The following HERPUD2 variants were observed in gnomAD, a reference collection of about 807,000 sequenced individuals.
HERPUD2 encodes the protein HERPUD family member 2, also known as homocysteine-responsive endoplasmic reticulum-resident ubiquitin-like domain member 2 protein.
In HERPUD2, 13 loss-of-function variants were observed where a neutral mutation model predicts 49.9. The observed-to-expected ratio is 0.26, with a 90% CI of 0.17 to 0.41. HERPUD2 has a LOEUF of 0.41. Among genes scored for constraint, HERPUD2 ranks in the 10% least tolerant of loss-of-function variants. The probability of loss-of-function intolerance (pLI) is 1.00; values close to 1 mark genes in which losing one functional copy is unlikely to be tolerated. For synonymous variants in HERPUD2, 172 were observed against 171.4 expected (o/e 1.00, Z -0.03); for missense variants, 449 against 492.2 (o/e 0.91, Z 0.83).
intron 5 of HERPUD2, among the ~76,000 whole-genome samples, chr7:35,643,839 A>G (rs1785006095): frequency 6.6e-6 from 1 of 151,656 alleles, no homozygotes; most frequent in African/African-American, 2.4e-5. Context: ...GCTGTTAAAA[A>G]AAAAAAACTA....
At chr7:35,658,479 C>T (rs1785331896) in intron 5 of HERPUD2, among the ~76,000 whole-genome samples, 1 of 152,226 alleles carries the variant, frequency 6.6e-6, no homozygotes, top group East Asian at 1.9e-4. Flanking sequence ...TACCAACACA[C>T]AGAAATGATA....
At position 35,635,387 on chromosome 7, in the gene HERPUD2, T is replaced by A. The variant is rs1462606701; in HGVS notation, c.689A>T (p.Asn230Ile). 1 of 1,613,980 alleles carries A rather than the reference T, an allele frequency of 6.2e-7. No individual in the cohort carries two copies. The highest frequency in any genetic ancestry group is 8.5e-7 in the Non-Finnish European group (1 of 1,180,028). Residue 230 changes from asparagine to isoleucine, a missense_variant, in exon 7 of 9, where the codon AAT (asparagine) becomes ATT (isoleucine). Transcript: ENST00000311350. ...TTCTTCTCCAGGAACATGTGCCAAA[T>A]TTAGAGGCTGTGAAGTAGTAGGCTG... Reference protein sequence around the residue: ...PTQPTTSQPLNLAHVPGEEPP... With the variant: ...PTQPTTSQPLILAHVPGEEPP...
Position 35,638,335 on chromosome 7 carries a change from C to A in HERPUD2, c.617+15G>T. 1 of 1,561,088 alleles carries A rather than the reference C, an allele frequency of 6.4e-7. No individual in the cohort carries two copies. Among genetic ancestry groups the A allele is most frequent in the South Asian group, 1.2e-5 (1 of 81,756 alleles). On this transcript the variant is annotated intron_variant, in intron 6 of 8. Transcript: ENST00000311350. ...CACACTGAGTAACTTAAAAAATGAACTCAGATTAACTTACTACTGCATATA... is the reference window on the plus strand; with the variant it reads ...CACACTGAGTAACTTAAAAAATGAAATCAGATTAACTTACTACTGCATATA...
chr7:35,650,439 T>A (rs1156458798), intron 5 of HERPUD2, among the ~76,000 whole-genome samples: 1 of 151,898 alleles, frequency 6.6e-6, no homozygotes, highest in Non-Finnish European at 1.5e-5. Flanking sequence ...ATGAAGGCAC[T>A]GCTCAAGAGG....
intron 2 of HERPUD2, among the ~76,000 whole-genome samples, chr7:35,686,708 C>A (rs56322298): frequency 2.1e-5 from 1 of 46,970 alleles, no homozygotes; most frequent in Non-Finnish European, 3.7e-5. Flanking sequence ...GACAGAACGA[C>A]ACTCCGTCTC....
At chr7:35,659,442 G>A (rs1447195694) in intron 5 of HERPUD2, among the ~76,000 whole-genome samples, 3 of 152,202 alleles carry the variant, frequency 2.0e-5, no homozygotes, top group Non-Finnish European at 4.4e-5. Flanking sequence ...TTTGCTGAAT[G>A]TACAACATTC....
chr7:35,687,826 C>A (rs1250407936), intron 2 of HERPUD2, among the ~76,000 whole-genome samples: 1 of 152,044 alleles, frequency 6.6e-6, no homozygotes, highest in East Asian at 1.9e-4. Flanking sequence ...GCCAACAATA[C>A]TTTTATATTT....
intron 2 of HERPUD2, among the ~76,000 whole-genome samples, chr7:35,681,524 T>C (rs1481748392): frequency 6.6e-6 from 1 of 152,070 alleles, no homozygotes; most frequent in Non-Finnish European, 1.5e-5. Context: ...TGTACAAGAA[T>C]GTTCATAGCA....
At chr7:35,638,317 A>C (rs1784904515) in intron 6 of HERPUD2, 33 bp downstream of exon 6, 1 of 1,551,254 alleles carries the variant, frequency 6.4e-7, no homozygotes, top group African/African-American at 1.4e-5. Context: ...TAACACACTG[A>C]GTAACTTAAA....
In HERPUD2 at chr7:35,632,677, T is replaced by C. The variant is rs1784798118; in HGVS notation, c.*1013A>G. 1.3e-5 allele frequency: 2 copies of C among 152,558 alleles called. No homozygotes were observed. Among genetic ancestry groups the C allele is most frequent in the Admixed American group, 1.3e-4 (2 of 15,266 alleles). 9.5% of individuals were successfully genotyped at this position (152,558 alleles called of 1,614,324 possible). On this transcript the variant is annotated 3_prime_UTR_variant, in exon 9 of 9. Transcript: ENST00000311350. ...AAAACTGTTTACCATAATTGACTTT[T>C]TATTTAAAAAATTACACGGAGCAAT... is the stretch of plus-strand genomic sequence containing the variant.
chr7:35,645,015 G>C (rs140212864), intron 5 of HERPUD2, among the ~76,000 whole-genome samples: 171 of 152,094 alleles, frequency 1.1e-3, no homozygotes, highest in African/African-American at 4.0e-3. Context: ...AAAATTATAA[G>C]GTCTAGGTTT....
chr7:35,664,504 C>G (rs1785497309), intron 5 of HERPUD2, among the ~76,000 whole-genome samples: 1 of 152,214 alleles, frequency 6.6e-6, no homozygotes, highest in Non-Finnish European at 1.5e-5. Context: ...TGGTTGCATT[C>G]TCCCCATCAC....
At chr7:35,683,227 T>C (rs775231858) in intron 2 of HERPUD2, among the ~76,000 whole-genome samples, 15 of 152,172 alleles carry the variant, frequency 9.9e-5, no homozygotes, top group African/African-American at 2.4e-4. Context: ...AACAGGCACA[T>C]AGACCAATGG....
chr7:35,637,138 A>AAAAAGAAAG (rs761260596), intron 6 of HERPUD2, among the ~76,000 whole-genome samples: 8 of 135,692 alleles, frequency 5.9e-5, no homozygotes, highest in Non-Finnish European at 9.5e-5. Context: ...GTCTCAAAAA[A>AAAAAGAAAG]AAAGAAAGAA....
intron 2 of HERPUD2, among the ~76,000 whole-genome samples, chr7:35,676,108 G>T (rs1220045364): frequency 6.6e-6 from 1 of 152,178 alleles, no homozygotes; most frequent in Non-Finnish European, 1.5e-5. Flanking sequence ...TTTTAAAGAT[G>T]ATTTGAATCA....
intron 2 of HERPUD2, among the ~76,000 whole-genome samples, chr7:35,681,800 G>GA (rs201105452): frequency 7.3e-5 from 11 of 149,776 alleles, no homozygotes; most frequent in South Asian, 2.1e-4. Flanking sequence ...ACAGAAAGTA[G>GA]AAAAAAAAAG....
At chr7:35,678,254 A>G (rs1027041590) in intron 2 of HERPUD2, among the ~76,000 whole-genome samples, 2 of 151,128 alleles carry the variant, frequency 1.3e-5, no homozygotes, top group African/African-American at 2.4e-5. Context: ...AAAAAAAAAC[A>G]AAGTTCCAAT....
Position 35,656,941 on chromosome 7 carries a change from A to T in HERPUD2, c.494+10493T>A, listed in dbSNP as rs61215486. Among the ~76,000 whole-genome samples the T allele has an allele frequency of 3.1e-3, 477 of 152,328 alleles. 2 individuals carry two copies. The highest frequency in any genetic ancestry group is 0.011 in the African/African-American group (462 of 41,570). On this transcript the variant is annotated intron_variant, in intron 5 of 8. Coordinates refer to ENST00000311350, the MANE Select transcript of HERPUD2 (RefSeq NM_022373.5). ...AAGAAAACAGGGGAAACACTTCAGG[A>T]TATAGGTCCCATCAAAAATTTTACG... is the stretch of plus-strand genomic sequence containing the variant.
intron 2 of HERPUD2, among the ~76,000 whole-genome samples, chr7:35,680,339 T>G (rs1169346034): frequency 6.6e-6 from 1 of 151,822 alleles, no homozygotes; most frequent in Non-Finnish European, 1.5e-5. Flanking sequence ...AGCCCAGGAG[T>G]TCGAGGCTGC....
Sources: gnomAD v4.1 joint callset for allele counts (sites outside exome capture counted in the v4.1 genomes callset) on GRCh38, gnomAD v4.1.1 for gene constraint, MANE v1.5 for transcripts, NCBI Gene and HGNC (gene_info 2026-07-23, HGNC 2026-07-21) for gene names.